SSH2: variants seen among roughly 807,000 people sequenced by gnomAD.
SSH2 encodes protein phosphatase Slingshot homolog 2.
A neutral mutation model predicts 135.2 loss-of-function variants in SSH2; 37 were observed. The observed-to-expected ratio is 0.27, with a 90% CI of 0.21 to 0.36. The LOEUF (loss-of-function observed/expected upper bound fraction) is 0.36, where lower values mean the gene tolerates loss of function less well. SSH2 is among the 10% of genes least tolerant of loss of function. The pLI, the probability that SSH2 is intolerant of heterozygous loss-of-function variation, is 1.00. For missense variants in SSH2, 1,408 were observed against 1,765.3 expected, an observed-to-expected ratio of 0.80 and a Z score of 3.63; for synonymous variants, 628 against 646.2, an observed-to-expected ratio of 0.97 and a Z score of 0.43.
chr17:29,900,022 G>A (rs1460069086), intron 1 of SSH2, among the ~76,000 whole-genome samples: 5 of 152,114 alleles, frequency 3.3e-5, no homozygotes, highest in Admixed American at 2.0e-4. Flanking sequence ...AGAAAAACAA[G>A]CAATGGGGAA....
At chr17:29,675,658 A>ACAT (rs2037679147) in intron 8 of SSH2, among the ~76,000 whole-genome samples, 1 of 152,080 alleles carries the variant, frequency 6.6e-6, no homozygotes. Flanking sequence ...AAAATTAGCC[A>ACAT]GGTGTAGTGG....
intron 2 of SSH2, among the ~76,000 whole-genome samples, 169 bp from the exon 3 acceptor site, chr17:29,794,106 A>T (rs1053747811): frequency 5.3e-5 from 8 of 152,216 alleles, no homozygotes; most frequent in Non-Finnish European, 8.8e-5. Context: ...CAACCCAGGA[A>T]GTTGATGTCA....
At chr17:29,656,665 C>T (rs1263063307) in intron 11 of SSH2, among the ~76,000 whole-genome samples, 2 of 152,096 alleles carry the variant, frequency 1.3e-5, no homozygotes, top group African/African-American at 4.8e-5. Flanking sequence ...CTGGAGGACA[C>T]AATTATTAAT....
intron 14 of SSH2, among the ~76,000 whole-genome samples, chr17:29,641,363 G>A (rs1012537043): frequency 6.6e-6 from 1 of 152,040 alleles, no homozygotes; most frequent in Non-Finnish European, 1.5e-5. Context: ...AAACTCGGCC[G>A]ACTCCCCACC....
chr17:29,913,356 A>AAAAAAAAAAT lies in SSH2; in HGVS notation c.63+16581_63+16582insATTTTTTTTT, dbSNP rs1567650094. Among the ~76,000 whole-genome samples, 5 of 71,048 alleles carry AAAAAAAAAAT rather than the reference A, an allele frequency of 7.0e-5. 2 individuals are homozygous for AAAAAAAAAAT. The highest frequency in any genetic ancestry group is 1.3e-4 in the Non-Finnish European group (5 of 37,222). The allele number at this position is 71,048 out of a possible 152,430, so 46.6% of individuals were successfully genotyped here. A position where few individuals can be genotyped will look rare whatever the true frequency, so the allele number is the denominator to read the frequency against. On this transcript the variant is annotated intron_variant, in intron 1 of 15. Coordinates refer to ENST00000540801, the MANE Select transcript of SSH2 (RefSeq NM_001282129.2). ...AAAAAAAAAAAAAAAAAATATATATATATATATATATATATATATATATAT... is the reference window on the plus strand; with the variant it reads ...AAAAAAAAAAAAAAAAAATATATATAAAAAAAAAATTATATATATATATATATATATATAT...
intron 3 of SSH2, among the ~76,000 whole-genome samples, chr17:29,773,639 G>A (rs574894788): frequency 6.6e-6 from 1 of 152,288 alleles, no homozygotes; most frequent in Non-Finnish European, 1.5e-5. Context: ...AAAGTGATAT[G>A]AAGATATTGG....
chr17:29,874,828 T>C (rs1236078482), intron 1 of SSH2, among the ~76,000 whole-genome samples: 1 of 152,210 alleles, frequency 6.6e-6, no homozygotes, highest in Non-Finnish European at 1.5e-5. Context: ...TCTGTGATTG[T>C]CAGATAACAT....
At chr17:29,673,994 TCCATGTTTACAAA>T in intron 8 of SSH2, 1 of 434,180 alleles carries the variant, frequency 2.3e-6, no homozygotes, top group South Asian at 1.6e-5. Flanking sequence ...TTTGCACACA[TCCATGTTTACAAA>T]CTTAGAGTAA....
chr17:29,734,955 G>A (rs1231317144), intron 3 of SSH2, among the ~76,000 whole-genome samples: 1 of 151,816 alleles, frequency 6.6e-6, no homozygotes, highest in Non-Finnish European at 1.5e-5. Flanking sequence ...AGTTCAAAGA[G>A]CTTAAAAAGA....
chr17:29,904,021 CA>C (rs537140949), intron 1 of SSH2, among the ~76,000 whole-genome samples: 2 of 149,694 alleles, frequency 1.3e-5, no homozygotes, highest in African/African-American at 2.5e-5. Flanking sequence ...GCCTACCAAC[CA>C]AAAAAAAAGC....
At chr17:29,634,272 G>A (rs957473750) in intron 15 of SSH2, among the ~76,000 whole-genome samples, 1 of 152,218 alleles carries the variant, frequency 6.6e-6, no homozygotes, top group Non-Finnish European at 1.5e-5. Flanking sequence ...GACATCAGGA[G>A]AGGCAAAGAA....
At chr17:29,678,546 G>A (rs1295638980) in intron 6 of SSH2, among the ~76,000 whole-genome samples, 1 of 152,088 alleles carries the variant, frequency 6.6e-6, no homozygotes, top group African/African-American at 2.4e-5. Flanking sequence ...AGAAGTAATT[G>A]TTAATAGTTT....
intron 3 of SSH2, among the ~76,000 whole-genome samples, chr17:29,711,738 C>A (rs139697973): frequency 6.6e-6 from 1 of 152,150 alleles, no homozygotes; most frequent in Admixed American, 6.5e-5. Flanking sequence ...AAATTCTCCC[C>A]GTGGAATCTG....
chr17:29,686,726 T>A (rs2038239773), intron 5 of SSH2, among the ~76,000 whole-genome samples: 1 of 152,024 alleles, frequency 6.6e-6, no homozygotes, highest in African/African-American at 2.4e-5. Context: ...TGGAGTGCAA[T>A]GGCGTGATCT....
At chr17:29,824,314 T>C (rs925174015) in intron 2 of SSH2, among the ~76,000 whole-genome samples, 2 of 152,226 alleles carry the variant, frequency 1.3e-5, no homozygotes, top group African/African-American at 4.8e-5. Flanking sequence ...TGCTATGCCA[T>C]CCTGATTGTG....
At position 29,836,331 on chromosome 17, in the gene SSH2, A is replaced by G. The variant is rs190817185; in HGVS notation, c.144+12518T>C. ...TTTTTCCATTTGAATTTTTCATAAC[A>G]TTATCATATTCTGTAATTGAATATT... On this transcript the variant is annotated intron_variant, in intron 2 of 15. Coordinates refer to ENST00000540801, the MANE Select transcript of SSH2 (RefSeq NM_001282129.2). Among the ~76,000 whole-genome samples, 59 of 152,268 alleles carry G rather than the reference A, an allele frequency of 3.9e-4. No individual in the cohort carries two copies. The East Asian group carries it at 0.011, about 28-fold the overall frequency.
intron 1 of SSH2, among the ~76,000 whole-genome samples, chr17:29,862,844 C>T (rs545029495): frequency 6.6e-6 from 1 of 152,348 alleles, no homozygotes; most frequent in South Asian, 2.1e-4. Flanking sequence ...GAACACATCT[C>T]TCAGTCCAAA....
chr17:29,899,450 T>C (rs1238894790), intron 1 of SSH2, among the ~76,000 whole-genome samples: 3 of 152,138 alleles, frequency 2.0e-5, no homozygotes, highest in Non-Finnish European at 4.4e-5. Context: ...ACAAAATCAA[T>C]GTGCAAAAAT....
At chr17:29,669,477 A>G (rs931171643) in intron 9 of SSH2, among the ~76,000 whole-genome samples, 2 of 152,200 alleles carry the variant, frequency 1.3e-5, no homozygotes, top group African/African-American at 4.8e-5. Flanking sequence ...TTTGTTTTAT[A>G]AGCTTTTCTA....
Sources: allele counts gnomAD v4.1 joint callset (sites outside exome capture counted in the v4.1 genomes callset), GRCh38; gene constraint gnomAD v4.1.1; transcripts MANE v1.5; gene names NCBI Gene and HGNC (gene_info 2026-07-23, HGNC 2026-07-21).